MACROD2: variants seen among roughly 807,000 people sequenced by gnomAD.
The protein encoded by MACROD2 is mono-ADP ribosylhydrolase 2, also known as ADP-ribose glycohydrolase MACROD2.
A neutral mutation model predicts 70.4 loss-of-function variants in MACROD2; 36 were observed. The observed-to-expected ratio is 0.51, with a 90% CI of 0.39 to 0.68. MACROD2 has a LOEUF of 0.68. Among genes scored for constraint, MACROD2 ranks in the 30% least tolerant of loss-of-function variants. MACROD2 has a pLI of 0.00. For synonymous variants in MACROD2, 172 were observed against 178.8 expected (o/e 0.96, Z 0.30); for missense variants, 496 against 538.4 (o/e 0.92, Z 0.78).
chr20:14,842,164 GA>G (rs1568827607), intron 5 of MACROD2, among the ~76,000 whole-genome samples: 1 of 152,080 alleles, frequency 6.6e-6, no homozygotes, highest in Admixed American at 6.6e-5. Flanking sequence ...TCTCTAGAGA[GA>G]GGAAATGTGG....
At chr20:14,912,570 T>C (rs1049976079) in intron 5 of MACROD2, among the ~76,000 whole-genome samples, 2 of 152,012 alleles carry the variant, frequency 1.3e-5, no homozygotes, top group African/African-American at 2.4e-5. Flanking sequence ...TAAAGAAGAG[T>C]TGAATTCTGA....
chr20:15,493,910 T>A (rs2047262185), intron 7 of MACROD2, among the ~76,000 whole-genome samples: 1 of 152,224 alleles, frequency 6.6e-6, no homozygotes, highest in Non-Finnish European at 1.5e-5. Context: ...AATGAGTTAT[T>A]TGATGTGCTA....
Position 15,713,987 on chromosome 20 carries a change from GCACACACACACA to G in MACROD2, c.646-148724_646-148713del, listed in dbSNP as rs3071356. Among the ~76,000 whole-genome samples the G allele has an allele frequency of 1.5e-3, 173 of 117,782 alleles. 1 individual carries two copies. The highest frequency in any genetic ancestry group is 3.9e-3 in the African/African-American group (139 of 35,304). The allele number at this position is 117,782 out of a possible 152,430, so 77.3% of individuals were successfully genotyped here. Reference sequence around the variant, plus strand: ...TGTTCTAGTAAACACACACACATATGCACACACACACACACACACACACACACACACACACAC... The same window carrying G: ...TGTTCTAGTAAACACACACACATATGCACACACACACACACACACACACAC... On this transcript the variant is annotated intron_variant, in intron 8 of 17. Coordinates refer to ENST00000684519, the MANE Select transcript of MACROD2 (RefSeq NM_001351661.2).
At chr20:14,511,760 GA>G (rs10854238) in intron 4 of MACROD2, among the ~76,000 whole-genome samples, 143,246 of 150,292 alleles carry the variant, frequency 0.95, 68,518 homozygotes, top group Non-Finnish European at 1. Context: ...GTTGCTGACA[GA>G]AAAAAAAAAA....
At chr20:15,560,445 GA>G (rs1330122944) in intron 8 of MACROD2, among the ~76,000 whole-genome samples, 4 of 152,104 alleles carry the variant, frequency 2.6e-5, no homozygotes, top group Admixed American at 1.3e-4. Context: ...TTTTGCCATT[GA>G]AAAATAACCT....
chr20:15,431,227 G>A (rs573163100), intron 6 of MACROD2, among the ~76,000 whole-genome samples, 178 bp from the exon 7 acceptor site: 4 of 152,108 alleles, frequency 2.6e-5, no homozygotes, highest in African/African-American at 9.6e-5. Context: ...ACTGCTGATA[G>A]GGAACAGTTA....
chr20:14,201,464 A>G (rs1383943295), intron 3 of MACROD2, among the ~76,000 whole-genome samples: 1 of 152,200 alleles, frequency 6.6e-6, no homozygotes, highest in African/African-American at 2.4e-5. Flanking sequence ...AAGGGAAACT[A>G]GAATCTAGCC....
chr20:15,933,048 C>T (rs1030370889), intron 10 of MACROD2, among the ~76,000 whole-genome samples: 1 of 152,008 alleles, frequency 6.6e-6, no homozygotes, highest in Non-Finnish European at 1.5e-5. Flanking sequence ...TTGTTTACTG[C>T]GGTTAAACAT....
At chr20:15,932,254 T>C (rs2065591509) in intron 10 of MACROD2, among the ~76,000 whole-genome samples, 1 of 152,130 alleles carries the variant, frequency 6.6e-6, no homozygotes, top group Non-Finnish European at 1.5e-5. Context: ...CAGCTTCAAC[T>C]TCTTTACAGC....
chr20:15,370,203 G>A (rs909474626), intron 6 of MACROD2, among the ~76,000 whole-genome samples: 1 of 152,054 alleles, frequency 6.6e-6, no homozygotes, highest in Non-Finnish European at 1.5e-5. Context: ...TCATTCATTG[G>A]CTTAAAATTT....
At chr20:15,344,156 G>A (rs902434342) in intron 6 of MACROD2, among the ~76,000 whole-genome samples, 2 of 152,150 alleles carry the variant, frequency 1.3e-5, no homozygotes, top group Non-Finnish European at 2.9e-5. Flanking sequence ...CCTCAGTGAT[G>A]AATACCTAAA....
chr20:14,221,403 A>G (rs1032700985), intron 3 of MACROD2, among the ~76,000 whole-genome samples: 4 of 152,198 alleles, frequency 2.6e-5, no homozygotes, highest in South Asian at 2.1e-4. Context: ...CAAACAATAA[A>G]TGCCCTGTGA....
chr20:14,808,505 A>G (rs888481054), intron 5 of MACROD2, among the ~76,000 whole-genome samples: 4 of 152,068 alleles, frequency 2.6e-5, no homozygotes, highest in South Asian at 2.1e-4. Flanking sequence ...GACTATTGAC[A>G]CTATGAAGAA....
At chr20:16,004,815 T>C (rs1249161612) in intron 15 of MACROD2, among the ~76,000 whole-genome samples, 1 of 152,236 alleles carries the variant, frequency 6.6e-6, no homozygotes, top group African/African-American at 2.4e-5. Flanking sequence ...CTCTTTCTCT[T>C]GGCCCCAGCA....
At chr20:14,835,653 G>A (rs1410588438) in intron 5 of MACROD2, among the ~76,000 whole-genome samples, 1 of 151,984 alleles carries the variant, frequency 6.6e-6, no homozygotes, top group Non-Finnish European at 1.5e-5. Flanking sequence ...ATGTATCATT[G>A]AATCCACTTG....
At chr20:15,251,947 GA>G (rs936627158) in intron 6 of MACROD2, among the ~76,000 whole-genome samples, 2 of 152,128 alleles carry the variant, frequency 1.3e-5, no homozygotes, top group African/African-American at 4.8e-5. Context: ...GAAGACAGTA[GA>G]AAATAAAAAT....
intron 5 of MACROD2, among the ~76,000 whole-genome samples, chr20:14,759,199 C>T (rs976941657): frequency 6.6e-6 from 1 of 152,020 alleles, no homozygotes; most frequent in African/African-American, 2.4e-5. Context: ...TGCCATTAGA[C>T]GTATCAAAAC....
chr20:15,277,679 G>C (rs950480161), intron 6 of MACROD2, among the ~76,000 whole-genome samples: 3 of 152,192 alleles, frequency 2.0e-5, no homozygotes, highest in African/African-American at 7.2e-5. Flanking sequence ...TAGACAATCA[G>C]ATGAGAAGCA....
chr20:14,044,389 G>A (rs549610603), intron 2 of MACROD2, among the ~76,000 whole-genome samples: 1 of 152,280 alleles, frequency 6.6e-6, no homozygotes, highest in South Asian at 2.1e-4. Flanking sequence ...AAGAGCGAAA[G>A]AACAAAGCTT....
Sources: gnomAD v4.1 joint callset for allele counts (sites outside exome capture counted in the v4.1 genomes callset) on GRCh38, gnomAD v4.1.1 for gene constraint, MANE v1.5 for transcripts, NCBI Gene and HGNC (gene_info 2026-07-23, HGNC 2026-07-21) for gene names.